MTHFD1: variants seen among roughly 807,000 people sequenced by gnomAD.
MTHFD1 encodes C-1-tetrahydrofolate synthase, cytoplasmic.
Under a neutral mutation model 110.3 loss-of-function variants are expected in MTHFD1, and 44 were observed. The ratio of observed to expected loss-of-function variants is 0.40; its 90% confidence interval spans 0.31 to 0.51. The LOEUF (loss-of-function observed/expected upper bound fraction) is 0.51, where lower values mean the gene tolerates loss of function less well. Among genes scored for constraint, MTHFD1 ranks in the 20% least tolerant of loss-of-function variants. The probability of loss-of-function intolerance (pLI) is 0.60; values close to 1 mark genes in which losing one functional copy is unlikely to be tolerated. For synonymous variants in MTHFD1, 402 were observed against 428.8 expected, an observed-to-expected ratio of 0.94 and a Z score of 0.77; for missense variants, 909 against 1,173.1, an observed-to-expected ratio of 0.77 and a Z score of 3.29.
At chr14:64,402,711 G>C (rs1472238283) in intron 2 of MTHFD1, among the ~76,000 whole-genome samples, 2 of 151,908 alleles carry the variant, frequency 1.3e-5, no homozygotes, top group Non-Finnish European at 2.9e-5. Context: ...ACATGAGAGG[G>C]AGACAGGAGA....
intron 26 of MTHFD1, chr14:64,455,153 C>G (rs1286538189): frequency 2.3e-6 from 1 of 430,188 alleles, no homozygotes; most frequent in African/African-American, 2.0e-5. Flanking sequence ...TTCACTGAAT[C>G]TAGGATGAGC....
At chr14:64,449,644 A>G (rs753750303) in intron 24 of MTHFD1, 22 bp downstream of exon 24, 2 of 1,612,618 alleles carry the variant, frequency 1.2e-6, no homozygotes, top group Non-Finnish European at 1.7e-6. Context: ...GCTGTCTGCA[A>G]AAAAAGAAAA....
intron 3 of MTHFD1, among the ~76,000 whole-genome samples, chr14:64,411,487 C>G (rs1566559097): frequency 6.6e-6 from 1 of 152,090 alleles, no homozygotes; most frequent in South Asian, 2.1e-4. Flanking sequence ...TTCGAGTTCT[C>G]CAAATTTAAA....
intron 8 of MTHFD1, among the ~76,000 whole-genome samples, chr14:64,421,535 G>A (rs577785645): frequency 3.1e-4 from 47 of 152,240 alleles, no homozygotes; most frequent in African/African-American, 8.2e-4. Flanking sequence ...TCTAACAGGC[G>A]ATAAAGAAAT....
intron 1 of MTHFD1, among the ~76,000 whole-genome samples, chr14:64,400,133 A>T (rs560916719): frequency 2.6e-5 from 4 of 151,964 alleles, no homozygotes; most frequent in Non-Finnish European, 5.9e-5. Context: ...TCACGCCTGT[A>T]ATCCCAGCAC....
rs559709151 is a variant in MTHFD1 at position 64,441,728 on chromosome 14, G to A, written c.1884+275G>A. ...GGTTGAGGCAGAATGGCGTGAACCT[G>A]GGAGGCAGAGCTTGCAGTGAGCCGA... On this transcript the variant is annotated intron_variant, in intron 19 of 27. Coordinates refer to ENST00000652337, the MANE Select transcript of MTHFD1 (RefSeq NM_005956.4). 5.5e-6 allele frequency: 3 copies of A among 548,826 alleles called. No individual in the cohort carries two copies. The African/African-American group carries it at 5.7e-5, about 10-fold the overall frequency. The allele number at this position is 548,826 out of a possible 1,614,324, so 34.0% of individuals were successfully genotyped here.
chr14:64,401,815 C>G (rs561883868), intron 2 of MTHFD1, among the ~76,000 whole-genome samples: 2 of 151,870 alleles, frequency 1.3e-5, no homozygotes, highest in South Asian at 2.1e-4. Flanking sequence ...GGAACAAAAA[C>G]TTTTTTAAAA....
chr14:64,440,939 C>T (rs1311717927), intron 18 of MTHFD1: 4 of 275,444 alleles, frequency 1.5e-5, no homozygotes, highest in Non-Finnish European at 2.8e-5. Flanking sequence ...TGCCTGTAAT[C>T]CCAGCACTTT....
At chr14:64,453,659 T>G in intron 24 of MTHFD1, 95 bp from the exon 25 acceptor site, 4 of 755,236 alleles carry the variant, frequency 5.3e-6, no homozygotes, top group Non-Finnish European at 9.6e-6. Context: ...CTTCTGCCCC[T>G]TTTAGGGACT....
intron 1 of MTHFD1, among the ~76,000 whole-genome samples, chr14:64,393,455 G>C (rs1178959621): frequency 6.6e-6 from 1 of 152,138 alleles, no homozygotes; most frequent in Non-Finnish European, 1.5e-5. Context: ...CCAAAGTGCA[G>C]GTTGCTCAAA....
At chr14:64,426,705 G>A (rs1376735040) in intron 11 of MTHFD1, among the ~76,000 whole-genome samples, 1 of 150,334 alleles carries the variant, frequency 6.7e-6, no homozygotes, top group East Asian at 2.0e-4. Context: ...TCCTGACCTT[G>A]TGATCCACCC....
intron 26 of MTHFD1, among the ~76,000 whole-genome samples, chr14:64,456,532 A>G (rs1351940325): frequency 6.6e-6 from 1 of 152,180 alleles, no homozygotes; most frequent in African/African-American, 2.4e-5. Flanking sequence ...AATATCAAAA[A>G]TCCTACTCAT....
At chr14:64,440,742 C>A (rs2078241061) in intron 18 of MTHFD1, 1 of 250,944 alleles carries the variant, frequency 4.0e-6, no homozygotes, top group Admixed American at 5.1e-5. Flanking sequence ...ACCAGAGTTA[C>A]AAATAACTGA....
At chr14:64,424,675 TTTAAG>T (rs2078105396) in intron 8 of MTHFD1, 124 bp from the exon 9 acceptor site, 1 of 999,980 alleles carries the variant, frequency 1.0e-6, no homozygotes, top group African/African-American at 1.6e-5. Flanking sequence ...TTCCATAGCT[TTTAAG>T]TTAAGTAGGC....
At chr14:64,399,975 A>G (rs909337174) in intron 1 of MTHFD1, among the ~76,000 whole-genome samples, 2 of 152,110 alleles carry the variant, frequency 1.3e-5, no homozygotes, top group African/African-American at 4.8e-5. Context: ...GGGTCTCACT[A>G]TGTTGCCCAG....
At chr14:64,441,802 CAAAA>C (rs35960360) in intron 19 of MTHFD1, 529 of 481,620 alleles carry the variant, frequency 1.1e-3, no homozygotes, top group Middle Eastern at 1.8e-3. Context: ...GACTCCGTGT[CAAAA>C]AAAAAAAAAA....
chr14:64,425,254 C>G (rs1011840813), intron 9 of MTHFD1, among the ~76,000 whole-genome samples: 1 of 149,362 alleles, frequency 6.7e-6, no homozygotes, highest in African/African-American at 2.5e-5. Flanking sequence ...CTCTTGCTGC[C>G]CAGGCTGGAG....
At chr14:64,426,257 T>A (rs2078117704) in intron 11 of MTHFD1, 65 bp downstream of exon 11, 5 of 1,587,556 alleles carry the variant, frequency 3.1e-6, no homozygotes, top group Non-Finnish European at 4.3e-6. Context: ...GGCGTTGCAT[T>A]TGCACTTGGC....
chr14:64,440,578 T>A (rs1487024762), intron 18 of MTHFD1: 3 of 395,314 alleles, frequency 7.6e-6, no homozygotes, highest in African/African-American at 6.2e-5. Context: ...GTACCATTGC[T>A]TTATCTTTGT....
Sources: gnomAD v4.1 joint callset for allele counts (sites outside exome capture counted in the v4.1 genomes callset) on GRCh38, gnomAD v4.1.1 for gene constraint, MANE v1.5 for transcripts, NCBI Gene and HGNC (gene_info 2026-07-23, HGNC 2026-07-21) for gene names.